The following EPHA3 variants were observed in gnomAD, a reference collection of about 807,000 sequenced individuals.
The protein encoded by EPHA3 is EPH receptor A3, also known as ephrin type-A receptor 3.
EPHA3 carries 42 observed loss-of-function variants against 107.1 expected under a neutral mutation model. That is an observed-to-expected ratio of 0.39 (90% CI 0.31 to 0.51). The LOEUF is 0.51. Ranked by LOEUF, EPHA3 falls within the 20% of genes least tolerant of loss-of-function variation. The pLI, the probability that EPHA3 is intolerant of heterozygous loss-of-function variation, is 0.78. For missense variants in EPHA3, 1,183 were observed against 1,211.2 expected, an observed-to-expected ratio of 0.98 and a Z score of 0.35; for synonymous variants, 461 against 424.8, an observed-to-expected ratio of 1.09 and a Z score of -1.05.
chr3:89,297,388 C>T (rs1282030871), intron 3 of EPHA3, among the ~76,000 whole-genome samples: 2 of 152,058 alleles, frequency 1.3e-5, no homozygotes, highest in African/African-American at 4.8e-5. Context: ...TAATGTGTCT[C>T]AGGGGATAGG....
intron 3 of EPHA3, among the ~76,000 whole-genome samples, chr3:89,275,381 T>C (rs1165115137): frequency 1.3e-5 from 2 of 151,994 alleles, no homozygotes; most frequent in Non-Finnish European, 2.9e-5. Context: ...GAAACTGGAT[T>C]TCCCTCTACA....
At chr3:89,194,032 A>T (rs1238038433) in intron 2 of EPHA3, among the ~76,000 whole-genome samples, 1 of 152,054 alleles carries the variant, frequency 6.6e-6, no homozygotes, top group Non-Finnish European at 1.5e-5. Flanking sequence ...TAAACATATG[A>T]TAATTTTCAA....
intron 5 of EPHA3, among the ~76,000 whole-genome samples, chr3:89,379,596 T>A (rs1418854123): frequency 1.3e-5 from 2 of 152,110 alleles, no homozygotes; most frequent in African/African-American, 4.8e-5. Flanking sequence ...TCGTATTATA[T>A]TTTTAGGTGA....
At chr3:89,444,237 T>C (rs563823896) in intron 13 of EPHA3, among the ~76,000 whole-genome samples, 25 of 152,340 alleles carry the variant, frequency 1.6e-4, no homozygotes, top group Non-Finnish European at 3.2e-4. Context: ...TGACAGGCAC[T>C]ACTGCTACTA....
At chr3:89,153,968 T>C (rs1426521146) in intron 2 of EPHA3, among the ~76,000 whole-genome samples, 1 of 152,048 alleles carries the variant, frequency 6.6e-6, no homozygotes, top group Non-Finnish European at 1.5e-5. Flanking sequence ...AGGTCTGCTT[T>C]TATCTCTGAG....
intron 3 of EPHA3, among the ~76,000 whole-genome samples, chr3:89,296,513 G>C (rs1706356707): frequency 6.6e-6 from 1 of 152,160 alleles, no homozygotes; most frequent in Admixed American, 6.6e-5. Flanking sequence ...TAGTGGGCTT[G>C]AAATATTAAG....
At chr3:89,142,620 C>T (rs1028669151) in intron 2 of EPHA3, among the ~76,000 whole-genome samples, 1 of 151,444 alleles carries the variant, frequency 6.6e-6, no homozygotes, top group African/African-American at 2.4e-5. Flanking sequence ...TTTTAGAGTA[C>T]TTCCTCAGGA....
intron 3 of EPHA3, among the ~76,000 whole-genome samples, chr3:89,259,610 T>C (rs1488378980): frequency 6.6e-6 from 1 of 152,226 alleles, no homozygotes; most frequent in Admixed American, 6.5e-5. Context: ...GGGATACATG[T>C]AGATAGTAAA....
In EPHA3 at chr3:89,316,923, A is replaced by T. The variant is rs1706922184; in HGVS notation, c.815-23993A>T. Among the ~76,000 whole-genome samples the T allele has an allele frequency of 2.0e-5, 3 of 151,810 alleles. No homozygotes were observed. The South Asian group carries it at 6.2e-4, about 31-fold the overall frequency. On this transcript the variant is annotated intron_variant, in intron 3 of 16. Coordinates refer to ENST00000336596, the MANE Select transcript of EPHA3 (RefSeq NM_005233.6). Reference sequence around the variant, plus strand: ...CTTTGAGGGAGATATTTTTGTACTCAGTATAAATATATGAAAATAAGTTCA... The same window carrying T: ...CTTTGAGGGAGATATTTTTGTACTCTGTATAAATATATGAAAATAAGTTCA...
At chr3:89,375,834 G>T (rs1337030761) in intron 5 of EPHA3, among the ~76,000 whole-genome samples, 3 of 151,866 alleles carry the variant, frequency 2.0e-5, no homozygotes, top group African/African-American at 7.3e-5. Flanking sequence ...ATCCTTCAGT[G>T]GTTAACTGAG....
At chr3:89,320,681 A>G (rs1233425297) in intron 3 of EPHA3, among the ~76,000 whole-genome samples, 2 of 152,106 alleles carry the variant, frequency 1.3e-5, no homozygotes, top group African/African-American at 4.8e-5. Context: ...TAGGATCTTG[A>G]TTAACAAAAA....
Position 89,262,963 on chromosome 3 carries a change from CTTTTTTTTTTTTTTT to C in EPHA3, c.814+52456_814+52470del, listed in dbSNP as rs532365863. 2.0e-3 allele frequency among the ~76,000 whole-genome samples: 197 copies of C among 97,476 alleles called. 2 individuals carry two copies. The highest frequency in any genetic ancestry group is 1.8e-3 in the Non-Finnish European group (87 of 48,300). 63.9% of individuals were successfully genotyped at this position (97,476 alleles called of 152,430 possible). A position where few individuals can be genotyped will look rare whatever the true frequency, so the allele number is the denominator to read the frequency against. On this transcript the variant is annotated intron_variant, in intron 3 of 16. Coordinates refer to ENST00000336596, the MANE Select transcript of EPHA3 (RefSeq NM_005233.6). ...GTCCCCGAGGGCATGTTACAGCGCT[CTTTTTTTTTTTTTTT>C]TTTTTTTTTTTTAATTATACTTTAA...
chr3:89,293,185 G>A (rs1050910354), intron 3 of EPHA3, among the ~76,000 whole-genome samples: 21 of 152,012 alleles, frequency 1.4e-4, no homozygotes, highest in Admixed American at 7.2e-4. Context: ...CTTTTTGAGC[G>A]GGGAGATTAT....
At chr3:89,151,495 A>G (rs1309211778) in intron 2 of EPHA3, among the ~76,000 whole-genome samples, 5 of 152,088 alleles carry the variant, frequency 3.3e-5, no homozygotes, top group Non-Finnish European at 4.4e-5. Context: ...ACTTGGGGAC[A>G]TTAGAATGAG....
intron 3 of EPHA3, among the ~76,000 whole-genome samples, chr3:89,283,457 A>G (rs1705997057): frequency 6.6e-6 from 1 of 152,128 alleles, no homozygotes. Flanking sequence ...TGAATTACGT[A>G]TTTTTACTTC....
Position 89,179,546 on chromosome 3 carries a change from G to T in EPHA3, c.154-30314G>T, listed in dbSNP as rs145228558. 2.0e-5 allele frequency among the ~76,000 whole-genome samples: 3 copies of T among 151,768 alleles called. No homozygotes were observed. The East Asian group carries it at 5.8e-4, about 30-fold the overall frequency. ...GTCTGAATCTTCTCTCATCTTTTTC[G>T]CTTAGATTGAGGTCACTGTTGGGGC... is the stretch of plus-strand genomic sequence containing the variant. On this transcript the variant is annotated intron_variant, in intron 2 of 16. Coordinates refer to ENST00000336596, the MANE Select transcript of EPHA3 (RefSeq NM_005233.6).
chr3:89,407,179 TTAATTAATTAA>T, intron 7 of EPHA3, 79 bp from the exon 8 acceptor site: 1 of 859,590 alleles, frequency 1.2e-6, no homozygotes, highest in Non-Finnish European at 1.9e-6. Flanking sequence ...AGAACACATA[TTAATTAATTAA>T]TGAATCAATC....
At chr3:89,330,449 A>G (rs1411063578) in intron 3 of EPHA3, among the ~76,000 whole-genome samples, 1 of 152,112 alleles carries the variant, frequency 6.6e-6, no homozygotes, top group African/African-American at 2.4e-5. Flanking sequence ...TAACAATAAT[A>G]TTATCACATA....
Position 89,419,225 on chromosome 3 carries a change from A to G in EPHA3, c.1909A>G (p.Ser637Gly), listed in dbSNP as rs375432691. The change falls in exon 11 of 17, where the codon AGT (serine) becomes GGT (glycine). Residue 637 changes from serine to glycine, a missense_variant. Physicochemically the swap from Ser to Gly is moderately conservative, Grantham distance 56. Coordinates refer to ENST00000336596, the MANE Select transcript of EPHA3 (RefSeq NM_005233.6). ...AACAGGTGAATTTGGAGAGGTGTGC[A>G]GTGGTCGCTTAAAACTTCCTTCAAA... ...VGAGEFGEVCSGRLKLPSKKE... is the reference protein window; with the variant it reads ...VGAGEFGEVCGGRLKLPSKKE... 3 of 1,608,744 alleles carry G rather than the reference A, an allele frequency of 1.9e-6. No individual in the cohort carries two copies. The highest frequency in any genetic ancestry group is 2.5e-6 in the Non-Finnish European group (3 of 1,176,852).
Sources: gnomAD v4.1 joint callset for allele counts (sites outside exome capture counted in the v4.1 genomes callset) on GRCh38, gnomAD v4.1.1 for gene constraint, MANE v1.5 for transcripts, NCBI Gene and HGNC (gene_info 2026-07-23, HGNC 2026-07-21) for gene names.